The following BTBD10 variants were observed in gnomAD, a reference collection of about 807,000 sequenced individuals.
The protein encoded by BTBD10 is BTB domain containing 10, also known as BTB/POZ domain-containing protein 10.
A neutral mutation model predicts 53.2 loss-of-function variants in BTBD10; 21 were observed. That is an observed-to-expected ratio of 0.39 (90% CI 0.28 to 0.57). The LOEUF (loss-of-function observed/expected upper bound fraction) is 0.57. Ranked by LOEUF, BTBD10 falls within the 20% of genes least tolerant of loss-of-function variation. The pLI is 0.53. For synonymous variants in BTBD10, 149 were observed against 192.7 expected, an observed-to-expected ratio of 0.77 and a Z score of 1.88; for missense variants, 360 against 594.7, an observed-to-expected ratio of 0.61 and a Z score of 4.10.
chr11:13,451,180 G>A (rs1256472868), intron 1 of BTBD10, among the ~76,000 whole-genome samples: 2 of 152,172 alleles, frequency 1.3e-5, no homozygotes, highest in African/African-American at 4.8e-5. Flanking sequence ...AGGTAGGGGA[G>A]GGACATCAGG....
chr11:13,413,077 A>C (rs1949998486), intron 6 of BTBD10, among the ~76,000 whole-genome samples: 1 of 152,170 alleles, frequency 6.6e-6, no homozygotes, highest in Non-Finnish European at 1.5e-5. Context: ...CTAGACATTC[A>C]ATCTAGGATC....
At position 13,393,732 on chromosome 11, in the gene BTBD10, T is replaced by C. The variant is rs957809476; in HGVS notation, c.1118-4591A>G. ...GATTGTAGTACACAGGCAACTAATA[T>C]TGGCTATTTAAGTGGAAATTTTTTT... On this transcript the variant is annotated intron_variant, in intron 8 of 8. Transcript: ENST00000278174. Among the ~76,000 whole-genome samples, 4 of 152,196 alleles carry C rather than the reference T, an allele frequency of 2.6e-5. No individual in the cohort carries two copies. The East Asian group carries it at 5.8e-4, about 22-fold the overall frequency.
At chr11:13,460,531 G>A (rs1025638960) in intron 1 of BTBD10, among the ~76,000 whole-genome samples, 4 of 152,234 alleles carry the variant, frequency 2.6e-5, no homozygotes, top group South Asian at 2.1e-4. Flanking sequence ...AATTCCACAC[G>A]TCATTAAACT....
At chr11:13,398,902 T>C (rs978161442) in intron 8 of BTBD10, among the ~76,000 whole-genome samples, 4 of 152,248 alleles carry the variant, frequency 2.6e-5, no homozygotes, top group East Asian at 1.9e-4. Context: ...GAGTTTCTGC[T>C]GAGAGATCAG....
intron 1 of BTBD10, among the ~76,000 whole-genome samples, chr11:13,446,562 A>G (rs7945267): frequency 0.015 from 2,344 of 152,298 alleles, 67 homozygotes; most frequent in African/African-American, 0.054. Flanking sequence ...AATAAAAATA[A>G]AAGTGGGGGA....
At chr11:13,408,821 T>C (rs1949880897) in intron 6 of BTBD10, among the ~76,000 whole-genome samples, 1 of 152,216 alleles carries the variant, frequency 6.6e-6, no homozygotes, top group Non-Finnish European at 1.5e-5. Context: ...ACTTTGACAG[T>C]GGCTTCCTAA....
chr11:13,425,814 A>G (rs1950326365), intron 2 of BTBD10, among the ~76,000 whole-genome samples: 1 of 152,204 alleles, frequency 6.6e-6, no homozygotes, highest in African/African-American at 2.4e-5. Context: ...CACTGTATAC[A>G]TGTATTGAAA....
At chr11:13,417,478 A>G (rs1378279001) in intron 4 of BTBD10, among the ~76,000 whole-genome samples, 1 of 152,188 alleles carries the variant, frequency 6.6e-6, no homozygotes, top group African/African-American at 2.4e-5. Flanking sequence ...TGTAAGCAAC[A>G]ATAAAATAAA....
intron 3 of BTBD10, 56 bp from the exon 4 acceptor site, chr11:13,419,801 TTA>T: frequency 7.3e-7 from 1 of 1,369,566 alleles, no homozygotes; most frequent in Non-Finnish European, 1.0e-6. Context: ...AATTCAAGAT[TTA>T]TATATATCTT....
At chr11:13,457,799 T>C (rs1951002765) in intron 1 of BTBD10, among the ~76,000 whole-genome samples, 1 of 152,192 alleles carries the variant, frequency 6.6e-6, no homozygotes, top group Non-Finnish European at 1.5e-5. Flanking sequence ...TGTGTATGTA[T>C]GTATCTGTGT....
At chr11:13,413,942 T>C (rs1382250145) in intron 5 of BTBD10, among the ~76,000 whole-genome samples, 2 of 152,256 alleles carry the variant, frequency 1.3e-5, no homozygotes, top group African/African-American at 2.4e-5. Flanking sequence ...TCATGTCTTC[T>C]TTATGACATC....
At chr11:13,441,179 T>C (rs1950641311) in intron 2 of BTBD10, among the ~76,000 whole-genome samples, 1 of 152,144 alleles carries the variant, frequency 6.6e-6, no homozygotes, top group African/African-American at 2.4e-5. Flanking sequence ...TGCTGAGAGA[T>C]CATAGGCACC....
Position 13,389,151 on chromosome 11 carries a change from A to C in BTBD10, c.1118-10T>G. On this transcript the variant is annotated splice_polypyrimidine_tract_variant and intron_variant, in intron 8 of 8. Coordinates refer to ENST00000278174, the MANE Select transcript of BTBD10 (RefSeq NM_032320.7). ...TTGTAGGTAGGATAACCTGAAAGAAAGAAAGATTTTAAAAACTGAGGAGAC... is the reference window on the plus strand; with the variant it reads ...TTGTAGGTAGGATAACCTGAAAGAACGAAAGATTTTAAAAACTGAGGAGAC... The C allele has an allele frequency of 6.3e-7, 1 of 1,598,260 alleles. No individual in the cohort carries two copies. The highest frequency in any genetic ancestry group is 1.4e-5 in the African/African-American group (1 of 73,960).
intron 2 of BTBD10, among the ~76,000 whole-genome samples, chr11:13,440,937 G>T (rs1386229898): frequency 6.6e-6 from 1 of 152,070 alleles, no homozygotes; most frequent in South Asian, 2.1e-4. Flanking sequence ...AAAAGAAGTT[G>T]TCACAAATTC....
intron 8 of BTBD10, among the ~76,000 whole-genome samples, chr11:13,393,929 AGATAAT>A: frequency 6.6e-6 from 1 of 152,358 alleles, no homozygotes; most frequent in Non-Finnish European, 1.5e-5. Context: ...TTAAAAACAG[AGATAAT>A]GATAGCTAAC....
intron 1 of BTBD10, among the ~76,000 whole-genome samples, chr11:13,452,754 G>T (rs758119148): frequency 1.3e-5 from 2 of 152,068 alleles, no homozygotes; most frequent in South Asian, 4.1e-4. Context: ...ATTCAAGACC[G>T]CAATTTCCTT....
At chr11:13,416,545 A>C (rs569580368) in intron 5 of BTBD10, among the ~76,000 whole-genome samples, 2 of 152,350 alleles carry the variant, frequency 1.3e-5, no homozygotes, top group South Asian at 2.1e-4. Flanking sequence ...ATTTAGGAGA[A>C]AGAGAAGTAA....
At chr11:13,406,643 G>C (rs28510100) in intron 6 of BTBD10, among the ~76,000 whole-genome samples, 70,041 of 151,078 alleles carry the variant, frequency 0.46, 17,185 homozygotes, top group South Asian at 0.62. Flanking sequence ...GTGTGTGTTT[G>C]TGTGTGTGTG....
At chr11:13,429,062 T>G (rs1472690674) in intron 2 of BTBD10, among the ~76,000 whole-genome samples, 1 of 151,906 alleles carries the variant, frequency 6.6e-6, no homozygotes, top group Non-Finnish European at 1.5e-5. Flanking sequence ...ACAAAAGATG[T>G]GAAAAACTCA....
Sources: gnomAD v4.1 joint callset for allele counts (sites outside exome capture counted in the v4.1 genomes callset) on GRCh38, gnomAD v4.1.1 for gene constraint, MANE v1.5 for transcripts, NCBI Gene and HGNC (gene_info 2026-07-23, HGNC 2026-07-21) for gene names.